The following GRIK3 variants were observed in gnomAD, a reference collection of about 807,000 sequenced individuals.
The protein encoded by GRIK3 is glutamate receptor ionotropic, kainate 3.
GRIK3 carries 29 observed loss-of-function variants against 102.5 expected under a neutral mutation model. The observed-to-expected ratio is 0.28, with a 90% CI of 0.21 to 0.39. The LOEUF (loss-of-function observed/expected upper bound fraction) is 0.39, where lower values mean the gene tolerates loss of function less well. Ranked by LOEUF, GRIK3 falls within the 10% of genes least tolerant of loss-of-function variation. The probability of loss-of-function intolerance (pLI) is 1.00; values close to 1 mark genes in which losing one functional copy is unlikely to be tolerated. For synonymous variants in GRIK3, 511 were observed against 504.9 expected, an observed-to-expected ratio of 1.01 and a Z score of -0.16; for missense variants, 908 against 1,252.4, an observed-to-expected ratio of 0.73 and a Z score of 4.15.
intron 12 of GRIK3, among the ~76,000 whole-genome samples, chr1:36,818,004 C>T (rs1642651169): frequency 6.6e-6 from 1 of 152,182 alleles, no homozygotes; most frequent in African/African-American, 2.4e-5. Flanking sequence ...AGAGATGACA[C>T]CTTCTAACTG....
intron 5 of GRIK3, among the ~76,000 whole-genome samples, chr1:36,867,161 G>T (rs1472686081): frequency 6.6e-6 from 1 of 152,164 alleles, no homozygotes. Context: ...GCTAGTCTCT[G>T]TTCCCTAGAG....
chr1:36,937,397 C>G (rs567453415), intron 1 of GRIK3, among the ~76,000 whole-genome samples: 2 of 152,254 alleles, frequency 1.3e-5, no homozygotes, highest in Non-Finnish European at 2.9e-5. Flanking sequence ...AAGGATGGAA[C>G]TGGACTCAGT....
At chr1:36,992,751 A>G (rs1274500683) in intron 1 of GRIK3, among the ~76,000 whole-genome samples, 1 of 152,218 alleles carries the variant, frequency 6.6e-6, no homozygotes, top group Non-Finnish European at 1.5e-5. Flanking sequence ...TCAGCATCCT[A>G]AGCGGCTTCC....
chr1:36,931,134 C>A (rs1641584278), intron 1 of GRIK3, among the ~76,000 whole-genome samples: 2 of 152,318 alleles, frequency 1.3e-5, no homozygotes, highest in South Asian at 4.1e-4. Context: ...TATCACAAGT[C>A]TTCATACCAG....
At position 37,021,715 on chromosome 1, in the gene GRIK3, A is replaced by T. The variant is rs997570777; in HGVS notation, c.115+12279T>A. Among the ~76,000 whole-genome samples the T allele has an allele frequency of 5.2e-4, 79 of 152,194 alleles. 2 individuals carry two copies. The highest frequency in any genetic ancestry group is 2.2e-4 in the Non-Finnish European group (15 of 68,038). Reference sequence around the variant, plus strand: ...ATGTTTCCCCAGGGAGGGAAGCAAGAAAAGGAGGGGCCTGGCCTCAGGGGA... The same window carrying T: ...ATGTTTCCCCAGGGAGGGAAGCAAGTAAAGGAGGGGCCTGGCCTCAGGGGA... On this transcript the variant is annotated intron_variant, in intron 1 of 15. Coordinates refer to ENST00000373091, the MANE Select transcript of GRIK3 (RefSeq NM_000831.4).
intron 1 of GRIK3, among the ~76,000 whole-genome samples, chr1:36,891,775 A>T (rs1001263557): frequency 3.3e-5 from 5 of 152,248 alleles, no homozygotes; most frequent in African/African-American, 1.2e-4. Context: ...ATTTGTAAAG[A>T]AAGAAATTCT....
chr1:36,823,755 A>G (rs1642722474), intron 11 of GRIK3, among the ~76,000 whole-genome samples: 1 of 152,100 alleles, frequency 6.6e-6, no homozygotes, highest in Non-Finnish European at 1.5e-5. Flanking sequence ...GTCATCCTTG[A>G]TATAAAGTTG....
intron 9 of GRIK3, among the ~76,000 whole-genome samples, chr1:36,848,486 C>G (rs997903005): frequency 3.9e-5 from 6 of 152,044 alleles, no homozygotes; most frequent in Admixed American, 6.6e-5. Context: ...CTTTGTCACA[C>G]TTTTATCCTT....
chr1:36,853,006 G>A (rs1245527634), intron 8 of GRIK3, among the ~76,000 whole-genome samples: 1 of 152,192 alleles, frequency 6.6e-6, no homozygotes, highest in East Asian at 1.9e-4. Context: ...CCAGCCCCAG[G>A]CAGGCCCGCT....
chr1:37,008,933 G>A (rs1642559890), intron 1 of GRIK3, among the ~76,000 whole-genome samples: 1 of 152,158 alleles, frequency 6.6e-6, no homozygotes, highest in Non-Finnish European at 1.5e-5. Context: ...GGAAGAGGCA[G>A]CTGTGATATC....
intron 1 of GRIK3, among the ~76,000 whole-genome samples, chr1:36,897,253 A>G (rs1311798029): frequency 6.6e-6 from 1 of 152,188 alleles, no homozygotes; most frequent in Non-Finnish European, 1.5e-5. Context: ...AACCCCAAAT[A>G]TTTCACAAAA....
intron 2 of GRIK3, among the ~76,000 whole-genome samples, chr1:36,882,908 C>T (rs1044102269): frequency 2.6e-5 from 4 of 152,172 alleles, no homozygotes; most frequent in Non-Finnish European, 5.9e-5. Context: ...TTTAGTTTTC[C>T]GCCAGTTGCA....
chr1:36,839,112 T>A (rs982495971), intron 10 of GRIK3, among the ~76,000 whole-genome samples: 1 of 152,154 alleles, frequency 6.6e-6, no homozygotes, highest in Non-Finnish European at 1.5e-5. Flanking sequence ...ATGTTGTGAG[T>A]GGTGAGGGTG....
chr1:36,814,128 G>A (rs1642594009), intron 13 of GRIK3, among the ~76,000 whole-genome samples: 1 of 152,200 alleles, frequency 6.6e-6, no homozygotes, highest in African/African-American at 2.4e-5. Context: ...GGGCAGAGGA[G>A]GCTGTGGGAG....
At chr1:36,885,271 G>A (rs945412590) in intron 2 of GRIK3, among the ~76,000 whole-genome samples, 10 of 152,104 alleles carry the variant, frequency 6.6e-5, no homozygotes, top group Non-Finnish European at 1.2e-4. Context: ...GAGAGAGGAG[G>A]TGATCACAAC....
chr1:37,006,260 G>A (rs1642531985), intron 1 of GRIK3, among the ~76,000 whole-genome samples: 1 of 152,230 alleles, frequency 6.6e-6, no homozygotes, highest in Non-Finnish European at 1.5e-5. Flanking sequence ...GACTGGGGCA[G>A]AGCTTCTCCT....
chr1:36,812,402 C>G (rs1642572620), intron 13 of GRIK3, among the ~76,000 whole-genome samples: 1 of 152,176 alleles, frequency 6.6e-6, no homozygotes, highest in Admixed American at 6.5e-5. Flanking sequence ...CTTGGAGAAG[C>G]TGTCTTCCGA....
chr1:36,849,119 T>G, intron 9 of GRIK3, among the ~76,000 whole-genome samples: 1 of 152,186 alleles, frequency 6.6e-6, no homozygotes, highest in Non-Finnish European at 1.5e-5. Flanking sequence ...GGATGCCTGG[T>G]ATCTGCCACT....
chr1:36,957,100 C>A (rs1359465089), intron 1 of GRIK3, among the ~76,000 whole-genome samples: 1 of 152,246 alleles, frequency 6.6e-6, no homozygotes, highest in Non-Finnish European at 1.5e-5. Flanking sequence ...CAAACAGCCT[C>A]CAGAATAAGG....
Sources: allele counts gnomAD v4.1 joint callset (sites outside exome capture counted in the v4.1 genomes callset), GRCh38; gene constraint gnomAD v4.1.1; transcripts MANE v1.5; gene names NCBI Gene and HGNC (gene_info 2026-07-23, HGNC 2026-07-21).